KRT73: variants seen among roughly 807,000 people sequenced by gnomAD.
The protein encoded by KRT73 is keratin, type II cytoskeletal 73.
Under a neutral mutation model 47.2 loss-of-function variants are expected in KRT73, and 44 were observed. That is an observed-to-expected ratio of 0.93 (90% CI 0.73 to 1.20). KRT73 has a LOEUF of 1.20. Ranked by LOEUF, KRT73 falls within the 50% of genes most tolerant of loss-of-function variation. The pLI is 0.00. For synonymous variants in KRT73, 285 were observed against 291.3 expected, an observed-to-expected ratio of 0.98 and a Z score of 0.22; for missense variants, 713 against 704.5, an observed-to-expected ratio of 1.01 and a Z score of -0.14.
At chr12:52,626,153 T>C in the KRT73 span, among the ~76,000 whole-genome samples, 2 of 152,224 alleles carry the variant, frequency 1.3e-5, no homozygotes, top group Non-Finnish European at 2.9e-5. Flanking sequence ...AGCACATTAA[T>C]AAATTAAGCA....
chr12:52,626,105 G>A, the KRT73 span, among the ~76,000 whole-genome samples: 1 of 152,170 alleles, frequency 6.6e-6, no homozygotes, highest in African/African-American at 2.4e-5. Flanking sequence ...CAATATCCTG[G>A]TTGTGATATG....
At chr12:52,608,666 T>A (rs553592568) in intron 8 of KRT73, among the ~76,000 whole-genome samples, 1 of 152,342 alleles carries the variant, frequency 6.6e-6, no homozygotes, top group Admixed American at 6.5e-5. Context: ...CTTGTCATTC[T>A]ATGAACAAAC....
Position 52,608,471 on chromosome 12 carries a change from C to T in KRT73, c.1367-19G>A, listed in dbSNP as rs201564121. 3.4e-5 allele frequency: 55 copies of T among 1,595,496 alleles called. No homozygotes were observed. Among genetic ancestry groups the T allele is most frequent in the South Asian group, 3.3e-4 (29 of 88,414 alleles). ...ATGACCGCTGCAGAGGAGGGAGGGA[C>T]GAGTGATCAGTGTATATCCCAGGAC... is the stretch of plus-strand genomic sequence containing the variant. On this transcript the variant is annotated intron_variant, in intron 8 of 8. Coordinates refer to ENST00000305748, the MANE Select transcript of KRT73 (RefSeq NM_175068.3).
chr12:52,616,044 G>A (rs1940805669), intron 2 of KRT73, 122 bp downstream of exon 2: 11 of 1,192,206 alleles, frequency 9.2e-6, no homozygotes, highest in Admixed American at 2.1e-5. Context: ...GCCCATAGAA[G>A]GCTCTCATCT....
chr12:52,619,784 CAA>C (rs1940872595), upstream of KRT73, among the ~76,000 whole-genome samples: 1 of 152,102 alleles, frequency 6.6e-6, no homozygotes, highest in African/African-American at 2.4e-5. Context: ...GTATGTGACC[CAA>C]GAGTTTCCCA....
intron 3 of KRT73, 154 bp from the exon 4 acceptor site, chr12:52,614,828 C>A (rs1940779450): frequency 6.6e-6 from 4 of 607,622 alleles, no homozygotes; most frequent in Non-Finnish European, 1.2e-5. Context: ...ACTTCACTGT[C>A]AGACTCACTG....
chr12:52,614,811 A>G, intron 3 of KRT73, 137 bp from the exon 4 acceptor site: 1 of 650,852 alleles, frequency 1.5e-6, no homozygotes, highest in Non-Finnish European at 2.6e-6. Flanking sequence ...CCGGCCTTCC[A>G]GCCACAACTT....
chr12:52,611,104 G>A, intron 6 of KRT73, 100 bp downstream of exon 6: 1 of 1,434,712 alleles, frequency 7.0e-7, no homozygotes, highest in Non-Finnish European at 9.6e-7. Flanking sequence ...TTGAAGAAGG[G>A]GATTCTGAAA....
the KRT73 span, among the ~76,000 whole-genome samples, chr12:52,626,632 T>C: frequency 2.0e-5 from 3 of 152,102 alleles, no homozygotes; most frequent in African/African-American, 7.2e-5. Flanking sequence ...CATGTGCTCA[T>C]CTAAATTTCT....
At position 52,610,826 on chromosome 12, in the gene KRT73, G is replaced by T. The variant is rs774100736; in HGVS notation, c.1120C>A (p.Leu374Met). ...TCGGCGTCAGCGATGGCCGTCTCCA[G>T]GTTGGCACACTGGGGTCAGGAGGTA... ...IESVKKQCAN[L>M]ETAIADAEQR... The change falls in exon 7 of 9, where the codon CTG (leucine) becomes ATG (methionine). Residue 374 changes from leucine (L) to methionine (M), a missense_variant. Physicochemically the swap from Leu to Met is conservative, Grantham distance 15 (BLOSUM62 2). Coordinates refer to ENST00000305748, the MANE Select transcript of KRT73 (RefSeq NM_175068.3). 6.2e-7 allele frequency: 1 copy of T among 1,611,828 alleles called. No homozygotes were observed. Among genetic ancestry groups the T allele is most frequent in the Non-Finnish European group, 8.5e-7 (1 of 1,179,848 alleles).
At chr12:52,614,700 C>T (rs1940776622) in intron 3 of KRT73, 26 bp from the exon 4 acceptor site, 1 of 1,593,284 alleles carries the variant, frequency 6.3e-7, no homozygotes, top group African/African-American at 1.3e-5. Context: ...ATACCCCTGA[C>T]CTCACCTTTC....
chr12:52,615,267 C>A lies in KRT73; in HGVS notation c.723+12G>T, dbSNP rs1327138395. The A allele has an allele frequency of 1.9e-6, 3 of 1,612,064 alleles. No individual in the cohort carries two copies. Among genetic ancestry groups the A allele is most frequent in the Non-Finnish European group, 2.5e-6 (3 of 1,178,348 alleles). Reference sequence around the variant, plus strand: ...GCTGGGGGACTGAAGGGAACCCATGCACCCTCCTCACCTTCTTAAGCACCA... The same window carrying A: ...GCTGGGGGACTGAAGGGAACCCATGAACCCTCCTCACCTTCTTAAGCACCA... On this transcript the variant is annotated intron_variant, in intron 3 of 8. Transcript: ENST00000305748.
At chr12:52,616,604 A>G (rs187495773) in intron 1 of KRT73, among the ~76,000 whole-genome samples, 110 of 151,952 alleles carry the variant, frequency 7.2e-4, no homozygotes, top group Non-Finnish European at 1.3e-3. Flanking sequence ...AGGGGCACCA[A>G]TGTCTTCATT....
chr12:52,621,879 C>T (rs918140833), upstream of KRT73, among the ~76,000 whole-genome samples: 3 of 152,106 alleles, frequency 2.0e-5, no homozygotes, highest in African/African-American at 7.2e-5. Context: ...ATTCCATCCC[C>T]ACCAGGAGGT....
chr12:52,618,482 C>A lies in KRT73; in HGVS notation c.43G>T (p.Gly15Trp), dbSNP rs771887759. The A allele has an allele frequency of 1.6e-5, 25 of 1,611,362 alleles. No homozygotes were observed. Among genetic ancestry groups the A allele is most frequent in the East Asian group, 2.2e-5 (1 of 44,822 alleles). The change falls in exon 1 of 9, where the codon GGG (glycine) becomes TGG (tryptophan). Residue 15 changes from glycine to tryptophan, a missense_variant. Physicochemically the swap from Gly to Trp is radical, Grantham distance 184. Transcript: ENST00000305748. ...ACAGCGGAGCAGCCGCTGAAGCCCC[C>A]CTTGGCAGCAGCTCCCGACTTGTAG... ...FTYKSGAAAK[G>W]GFSGCSAVLS...
chr12:52,611,099 G>T, intron 6 of KRT73, 105 bp downstream of exon 6: 1 of 1,408,600 alleles, frequency 7.1e-7, no homozygotes, highest in Non-Finnish European at 9.8e-7. Context: ...TCCATTTGAA[G>T]AAGGGGATTC....
intron 7 of KRT73, chr12:52,610,062 C>CTGTTTATT (rs1940661451): frequency 6.3e-6 from 1 of 158,338 alleles, no homozygotes; most frequent in African/African-American, 2.4e-5. Flanking sequence ...TGTGTTTTGT[C>CTGTTTATT]TGTTTGTTTG....
upstream of KRT73, among the ~76,000 whole-genome samples, chr12:52,621,988 C>T (rs932221183): frequency 1.3e-5 from 2 of 152,146 alleles, no homozygotes; most frequent in Non-Finnish European, 2.9e-5. Context: ...ACACCCTTTC[C>T]CCTGCAAGGA....
the KRT73 span, among the ~76,000 whole-genome samples, chr12:52,630,345 G>A: frequency 6.6e-6 from 1 of 152,186 alleles, no homozygotes; most frequent in South Asian, 2.1e-4. Flanking sequence ...GCCCTCCAGG[G>A]CCACCTTGAT....
Sources: gnomAD v4.1 joint callset for allele counts (sites outside exome capture counted in the v4.1 genomes callset) on GRCh38, gnomAD v4.1.1 for gene constraint, MANE v1.5 for transcripts, NCBI Gene and HGNC (gene_info 2026-07-23, HGNC 2026-07-21) for gene names.